PRKDC: variants seen among roughly 807,000 people sequenced by gnomAD.
PRKDC encodes the protein protein kinase, DNA-activated, catalytic subunit, also known as DNA-dependent protein kinase catalytic subunit.
A neutral mutation model predicts 486.9 loss-of-function variants in PRKDC; 82 were observed. The observed-to-expected ratio is 0.17, with a 90% CI of 0.14 to 0.20. PRKDC has a LOEUF of 0.20. Ranked by LOEUF, PRKDC falls within the 10% of genes least tolerant of loss-of-function variation. PRKDC has a pLI of 1.00. For missense variants in PRKDC, 4,504 were observed against 5,038.2 expected (o/e 0.89, Z 3.21); for synonymous variants, 1,895 against 1,837.0 (o/e 1.03, Z -0.81).
At chr8:47,903,911 T>C (rs1030596545) in intron 26 of PRKDC, among the ~76,000 whole-genome samples, 1 of 152,098 alleles carries the variant, frequency 6.6e-6, no homozygotes, top group Admixed American at 6.5e-5. Context: ...AAACTACAGG[T>C]TTAATTATGT....
In PRKDC at chr8:47,889,146, C is replaced by T. The variant is rs1563787397; in HGVS notation, c.4148G>A (p.Gly1383Asp). ...VQTLCEPASI[G>D]FNIGDVQVMA... The stretch of plus-strand genomic sequence containing the variant: ...AACCTGGACGTCTCCGATGTTGAAA[C>T]CTATGCTTGCGGGCTCACACAGCGT... Residue 1383 changes from glycine to aspartate, a missense_variant, in exon 33 of 86, where the codon GGT becomes GAT. By Grantham distance (94) the Gly-to-Asp change is moderately conservative. This residue lies in a region of PRKDC where 1,969 missense variants were observed against 2,068.9 expected (regional missense o/e 0.95). Transcript: ENST00000314191. 1.2e-6 allele frequency: 2 copies of T among 1,613,974 alleles called. No individual in the cohort carries two copies. Among genetic ancestry groups the T allele is most frequent in the East Asian group, 2.2e-5 (1 of 44,880 alleles).
intron 68 of PRKDC, among the ~76,000 whole-genome samples, chr8:47,816,478 C>T (rs897259197): frequency 6.6e-6 from 1 of 152,124 alleles, no homozygotes; most frequent in East Asian, 1.9e-4. Flanking sequence ...CCACAAAGGA[C>T]ATTACTGGGA....
At chr8:47,900,273 GA>G (rs1040002214) in intron 28 of PRKDC, 99 bp downstream of exon 28, 736 of 693,624 alleles carry the variant, frequency 1.1e-3, no homozygotes, top group South Asian at 1.6e-3. Flanking sequence ...GAACTCTTGG[GA>G]AAAAAAAAAC....
Position 47,807,240 on chromosome 8 carries a change from C to T in PRKDC, c.9644G>A (p.Ser3215Asn). 6.2e-7 allele frequency: 1 copy of T among 1,613,850 alleles called. No individual in the cohort carries two copies. Among genetic ancestry groups the T allele is most frequent in the Non-Finnish European group, 8.5e-7 (1 of 1,179,826 alleles). ...CTGCTCTTGCACTTCCATCCTGTCACTGGGGTCTCCATCTTGATCCACATT... is the reference window on the plus strand; with the variant it reads ...CTGCTCTTGCACTTCCATCCTGTCATTGGGGTCTCCATCTTGATCCACATT... The part of the protein sequence containing the change: ...SMNVDQDGDP[S>N]DRMEVQEQEE... The change falls in exon 69 of 86, where the codon AGT becomes AAT. Residue 3215 changes from serine to asparagine, a missense_variant. By Grantham distance (46) the Ser-to-Asn change is conservative. This residue lies in a region of PRKDC where 1,592 missense variants were observed against 1,724.6 expected (regional missense o/e 0.92). Transcript: ENST00000314191.
At chr8:47,884,057 GA>G (rs2089279782) in intron 36 of PRKDC, among the ~76,000 whole-genome samples, 1 of 152,282 alleles carries the variant, frequency 6.6e-6, no homozygotes, top group African/African-American at 2.4e-5. Flanking sequence ...TATTCAGAGG[GA>G]AAGGGCAGAC....
In PRKDC at chr8:47,927,900, AAAG is replaced by A. The variant is rs370706897; in HGVS notation, c.2140-13_2140-11del. ...TCATTTTAACTGCCACCTTAACAAGAAAGAAGACAGTAATGTATATCTGAATAG... is the reference window on the plus strand; with the variant it reads ...TCATTTTAACTGCCACCTTAACAAGAAAGACAGTAATGTATATCTGAATAG... On this transcript the variant is annotated splice_polypyrimidine_tract_variant and intron_variant, in intron 19 of 85. Transcript: ENST00000314191. The A allele has an allele frequency of 3.5e-3, 5,479 of 1,546,580 alleles. 51 individuals carry two copies. The highest frequency in any genetic ancestry group is 0.024 in the South Asian group (1,892 of 77,428).
chr8:47,914,801 A>T (rs2089961667), intron 23 of PRKDC, among the ~76,000 whole-genome samples: 2 of 151,754 alleles, frequency 1.3e-5, no homozygotes, highest in South Asian at 4.2e-4. Flanking sequence ...GGGAAAAAAA[A>T]AAAAAAAAGC....
chr8:47,851,068 C>T (rs1340287349), intron 52 of PRKDC, among the ~76,000 whole-genome samples: 1 of 152,186 alleles, frequency 6.6e-6, no homozygotes, highest in Non-Finnish European at 1.5e-5. Context: ...CCTTGGCCTC[C>T]CAAAGTGCCG....
At chr8:47,806,454 C>T (rs528170052) in intron 69 of PRKDC, among the ~76,000 whole-genome samples, 4 of 152,264 alleles carry the variant, frequency 2.6e-5, no homozygotes, top group African/African-American at 9.6e-5. Flanking sequence ...TGATATTACA[C>T]TCATCCAAAG....
chr8:47,918,250 G>T, intron 22 of PRKDC, 27 bp downstream of exon 22: 1 of 1,437,330 alleles, frequency 7.0e-7, no homozygotes, highest in Non-Finnish European at 9.5e-7. Context: ...ATTATGTAAG[G>T]TACAGAAAAT....
intron 68 of PRKDC, among the ~76,000 whole-genome samples, chr8:47,811,280 G>C (rs1425581532): frequency 6.6e-6 from 1 of 152,168 alleles, no homozygotes; most frequent in African/African-American, 2.4e-5. Context: ...CAAGGGGCAG[G>C]GAGAATCTAC....
chr8:47,828,706 T>C (rs1022174864), intron 61 of PRKDC, among the ~76,000 whole-genome samples: 7 of 152,222 alleles, frequency 4.6e-5, no homozygotes, highest in African/African-American at 1.7e-4. Context: ...TTAGCCCAGA[T>C]AAAGTGCAGC....
chr8:47,794,553 G>C (rs936939392), intron 73 of PRKDC, 52 bp from the exon 74 acceptor site: 1 of 1,395,312 alleles, frequency 7.2e-7, no homozygotes, highest in Admixed American at 2.2e-5. Context: ...CACATCATCT[G>C]TTATAAAAGT....
intron 59 of PRKDC, among the ~76,000 whole-genome samples, chr8:47,833,992 A>G (rs1293962526): frequency 6.6e-6 from 1 of 152,244 alleles, no homozygotes; most frequent in East Asian, 1.9e-4. Flanking sequence ...TGGATCGAGT[A>G]TAACTTACTG....
intron 27 of PRKDC, 101 bp from the exon 28 acceptor site, chr8:47,900,568 T>C: frequency 8.6e-7 from 1 of 1,159,184 alleles, no homozygotes; most frequent in Non-Finnish European, 1.2e-6. Context: ...ATTAATTAAA[T>C]TTGTTTTTTG....
intron 59 of PRKDC, among the ~76,000 whole-genome samples, chr8:47,833,640 A>G (rs547445313): frequency 6.6e-6 from 1 of 152,072 alleles, no homozygotes; most frequent in East Asian, 1.9e-4. Flanking sequence ...GAAGTTCGAC[A>G]TACACCCCCA....
chr8:47,898,379 C>T lies in PRKDC; in HGVS notation c.3464+91G>A, dbSNP rs980764801. 6.6e-6 allele frequency: 7 copies of T among 1,055,450 alleles called. No homozygotes were observed. The African/African-American group carries it at 7.9e-5, about 12-fold the overall frequency. 65.4% of individuals were successfully genotyped at this position (1,055,450 alleles called of 1,614,324 possible). Reference sequence around the variant, plus strand: ...CTTGTTTAGGAAGTAATTCCTTATACTTCCACAGATCCATCCCAGGTTGTC... The same window carrying T: ...CTTGTTTAGGAAGTAATTCCTTATATTTCCACAGATCCATCCCAGGTTGTC... On this transcript the variant is annotated intron_variant, in intron 29 of 85. Transcript: ENST00000314191.
intron 59 of PRKDC, 107 bp from the exon 60 acceptor site, chr8:47,832,033 A>G: frequency 4.1e-6 from 4 of 965,244 alleles, no homozygotes; most frequent in Non-Finnish European, 4.8e-6. Context: ...CAGGTGCCGC[A>G]GAGGCAGCGA....
In PRKDC at chr8:47,800,296, A is replaced by G. The variant is rs368510759; in HGVS notation, c.10116+497T>C. On this transcript the variant is annotated intron_variant, in intron 71 of 85. Transcript: ENST00000314191. ...TGCAGCCATAAAAAATGATGAGTTC[A>G]TGTCCTTTGTAGGGACATGGATGAA... Among the ~76,000 whole-genome samples the G allele has an allele frequency of 8.9e-3, 1,348 of 152,204 alleles. 17 individuals are homozygous for G. Among genetic ancestry groups the G allele is most frequent in the African/African-American group, 0.03 (1,243 of 41,512 alleles).
Sources: gnomAD v4.1 joint callset for allele counts (sites outside exome capture counted in the v4.1 genomes callset) on GRCh38, gnomAD v4.1.1 for gene constraint, gnomAD v4.1.1 regional missense constraint, MANE v1.5 for transcripts, NCBI Gene and HGNC (gene_info 2026-07-23, HGNC 2026-07-21) for gene names.